Variants in DDX31 observed in about 807,000 individuals in gnomAD.
DDX31 encodes ATP-dependent DNA helicase DDX31.
A neutral mutation model predicts 91.3 loss-of-function variants in DDX31; 70 were observed. That is an observed-to-expected ratio of 0.77 (90% CI 0.63 to 0.94). The LOEUF is 0.94. Among genes scored for constraint, DDX31 ranks in the 40% least tolerant of loss-of-function variants. DDX31 has a pLI of 0.00. For synonymous variants in DDX31, 362 were observed against 350.6 expected (o/e 1.03, Z -0.36); for missense variants, 902 against 925.0 (o/e 0.98, Z 0.32).
At chr9:132,607,914 C>T (rs1477032126) in intron 19 of DDX31, among the ~76,000 whole-genome samples, 1 of 152,118 alleles carries the variant, frequency 6.6e-6, no homozygotes, top group Non-Finnish European at 1.5e-5. Flanking sequence ...GAATCGTGGC[C>T]CTATTGAGCG....
At chr9:132,648,086 C>G in intron 11 of DDX31, 103 bp downstream of exon 11, 1 of 911,190 alleles carries the variant, frequency 1.1e-6, no homozygotes, top group Non-Finnish European at 1.7e-6. Flanking sequence ...CTGCCCCCAC[C>G]TCCCTGAGGT....
intron 14 of DDX31, chr9:132,638,410 T>C: frequency 2.5e-6 from 4 of 1,613,820 alleles, no homozygotes; most frequent in Non-Finnish European, 3.4e-6. Flanking sequence ...CAGTGTCTGA[T>C]ATCTGATCCC....
At chr9:132,615,764 C>T (rs1400624293) in intron 18 of DDX31, among the ~76,000 whole-genome samples, 1 of 152,162 alleles carries the variant, frequency 6.6e-6, no homozygotes, top group Admixed American at 6.5e-5. Flanking sequence ...CAACTTGAAT[C>T]CCTAGCTAAA....
In DDX31 at chr9:132,617,303, C is replaced by G. The variant is rs1831701339; in HGVS notation, c.1825+1027G>C. 2.6e-5 allele frequency among the ~76,000 whole-genome samples: 4 copies of G among 152,054 alleles called. No homozygotes were observed. In the South Asian group the frequency reaches 8.3e-4, roughly 32 times the overall value. The stretch of plus-strand genomic sequence containing the variant: ...TTAAAAATGCACTCTGCTATGTCAC[C>G]CCTTCACCTCCCCCATCTCCTTCTA... On this transcript the variant is annotated intron_variant, in intron 18 of 19. Transcript: ENST00000372159.
rs1340637911 is a variant in DDX31 at position 132,635,494 on chromosome 9, C to A, written c.1441-3403G>T. Among the ~76,000 whole-genome samples the A allele has an allele frequency of 4.4e-4, 59 of 134,010 alleles. No homozygotes were observed. In the Admixed American group the frequency reaches 4.7e-3, roughly 11 times the overall value. The allele number at this position is 134,010 out of a possible 152,430, so 87.9% of individuals were successfully genotyped here. On this transcript the variant is annotated intron_variant, in intron 14 of 19. Transcript: ENST00000372159. ...TTTTTTTTTGAGATGGAGTCTCGCT[C>A]TGTCGCCCAGGCTGGAGTGCAGTGG...
Position 132,595,123 on chromosome 9 carries a change from G to A in DDX31, c.1995-11C>T, listed in dbSNP as rs1250693490. Reference sequence around the variant, plus strand: ...TTATGAAGGTCAGGCCTGAAGAACAGTAACAGCAGAGAGGGAAAAGAAACT... The same window carrying A: ...TTATGAAGGTCAGGCCTGAAGAACAATAACAGCAGAGAGGGAAAAGAAACT... On this transcript the variant is annotated splice_polypyrimidine_tract_variant and intron_variant, in intron 19 of 19. Transcript: ENST00000372159. The surrounding 1 kb of genome is among the most constrained non-coding windows in gnomAD (Gnocchi z 4.6). The A allele has an allele frequency of 6.2e-7, 1 of 1,606,544 alleles. No individual in the cohort carries two copies. Among genetic ancestry groups the A allele is most frequent in the East Asian group, 2.2e-5 (1 of 44,750 alleles).
intron 13 of DDX31, among the ~76,000 whole-genome samples, 166 bp downstream of exon 13, chr9:132,645,729 G>C (rs549287806): frequency 6.6e-6 from 1 of 152,264 alleles, no homozygotes; most frequent in African/African-American, 2.4e-5. Context: ...ATCCCCTCTA[G>C]TTTCAGTGGG....
chr9:132,645,921 G>A lies in DDX31; in HGVS notation c.1354C>T (p.Arg452Trp), dbSNP rs571639771. Residue 452 changes from arginine (R) to tryptophan (W), a missense_variant, in exon 13 of 20, where the codon CGG becomes TGG. Physicochemically the swap from Arg to Trp is moderately radical, Grantham distance 101. Coordinates refer to ENST00000372159, the MANE Select transcript of DDX31 (RefSeq NM_022779.9). ...PSASMRLKFL[R>W]LHGGMEQEER... Reference sequence around the variant, plus strand: ...TCCTGCTCCATGCCGCCATGCAGCCGTAGGAATTTTAATCGCATGGAGGCA... The same window carrying A: ...TCCTGCTCCATGCCGCCATGCAGCCATAGGAATTTTAATCGCATGGAGGCA... 2.5e-5 allele frequency: 41 copies of A among 1,613,472 alleles called. No individual in the cohort carries two copies. Among genetic ancestry groups the A allele is most frequent in the South Asian group, 1.1e-4 (10 of 90,948 alleles).
At chr9:132,646,222 C>T (rs1010403518) in intron 12 of DDX31, 151 bp from the exon 13 acceptor site, 2 of 778,614 alleles carry the variant, frequency 2.6e-6, no homozygotes, top group Admixed American at 2.9e-5. Flanking sequence ...AAAACAAAAA[C>T]AGTGATACTC....
intron 18 of DDX31, among the ~76,000 whole-genome samples, chr9:132,615,101 G>A (rs775481912): frequency 3.3e-5 from 5 of 152,144 alleles, no homozygotes; most frequent in Non-Finnish European, 7.4e-5. Flanking sequence ...TTGGGGTGAC[G>A]GATGAAGCTA....
chr9:132,645,396 A>G (rs985634106), intron 13 of DDX31, among the ~76,000 whole-genome samples: 6 of 152,192 alleles, frequency 3.9e-5, no homozygotes, highest in African/African-American at 1.2e-4. Flanking sequence ...CTCCCAACCG[A>G]AAGTGTTCTG....
chr9:132,618,323 G>C lies in DDX31; in HGVS notation c.1825+7C>G, dbSNP rs375065477. On this transcript the variant is annotated splice_region_variant and intron_variant, in intron 18 of 19. Coordinates refer to ENST00000372159, the MANE Select transcript of DDX31 (RefSeq NM_022779.9). ...CCACTGCGCAAGCACCTAGGAAATC[G>C]ACTGACCTTTCTTTGCCCAGGAGAC... 1.2e-6 allele frequency: 2 copies of C among 1,606,234 alleles called. No individual in the cohort carries two copies. Among genetic ancestry groups the C allele is most frequent in the African/African-American group, 1.3e-5 (1 of 74,812 alleles).
chr9:132,620,382 C>A (rs1831946445), intron 17 of DDX31, among the ~76,000 whole-genome samples: 1 of 151,448 alleles, frequency 6.6e-6, no homozygotes, highest in South Asian at 2.1e-4. Flanking sequence ...CTTATTCCCC[C>A]CTTTAGGTTT....
At chr9:132,618,239 C>T in intron 18 of DDX31, 91 bp downstream of exon 18, 1 of 1,080,124 alleles carries the variant, frequency 9.3e-7, no homozygotes, top group Admixed American at 2.6e-5. Flanking sequence ...CCATGTTGGC[C>T]TCTCAACCGG....
chr9:132,634,512 C>A (rs1832977980), intron 14 of DDX31, among the ~76,000 whole-genome samples: 2 of 151,746 alleles, frequency 1.3e-5, no homozygotes, highest in Admixed American at 1.3e-4. Flanking sequence ...ATTATCACAC[C>A]TCAGAAATTT....
At chr9:132,646,164 C>T (rs933751322) in intron 12 of DDX31, 93 bp from the exon 13 acceptor site, 6 of 1,304,406 alleles carry the variant, frequency 4.6e-6, no homozygotes, top group Non-Finnish European at 5.2e-6. Flanking sequence ...TCATGCTGAC[C>T]CCCATTTGGA....
intron 14 of DDX31, among the ~76,000 whole-genome samples, chr9:132,635,443 A>G (rs1336775200): frequency 7.0e-6 from 1 of 143,788 alleles, no homozygotes; most frequent in Non-Finnish European, 1.5e-5. Flanking sequence ...CAAAGGATTC[A>G]TATGTACATA....
rs1020763754 is a variant in DDX31, at chr9:132,658,397, G to A, written c.588+274C>T. Reference sequence around the variant, plus strand: ...GGGGAGAGAGCAGTTAAAGATTCAAGAAGGGAACACATGCAAAGTATCATG... The same window carrying A: ...GGGGAGAGAGCAGTTAAAGATTCAAAAAGGGAACACATGCAAAGTATCATG... On this transcript the variant is annotated intron_variant, in intron 6 of 19. Coordinates refer to ENST00000372159, the MANE Select transcript of DDX31 (RefSeq NM_022779.9). 1.8e-5 allele frequency: 13 copies of A among 702,732 alleles called. No homozygotes were observed. The Admixed American group carries it at 2.6e-4, about 14-fold the overall frequency. The allele number at this position is 702,732 out of a possible 1,614,324, so 43.5% of individuals were successfully genotyped here.
At position 132,625,501 on chromosome 9, in the gene DDX31, GA is replaced by G. The variant is rs56990165; in HGVS notation, c.1713+162del. ...AAACGCATCCAGAAGCAAAGACGAG[GA>G]AAAAAAAAAAACAATCAAGATTTGG... On this transcript the variant is annotated intron_variant, in intron 17 of 19. Coordinates refer to ENST00000372159, the MANE Select transcript of DDX31 (RefSeq NM_022779.9). Among the ~76,000 whole-genome samples, 208 of 140,296 alleles carry G rather than the reference GA, an allele frequency of 1.5e-3. 2 individuals are homozygous for G. Among genetic ancestry groups the G allele is most frequent in the East Asian group, 8.4e-3 (41 of 4,868 alleles). The allele number at this position is 140,296 out of a possible 152,430, so 92.0% of individuals were successfully genotyped here. A position where few individuals can be genotyped will look rare whatever the true frequency, so the allele number is the denominator to read the frequency against.
Sources: gnomAD v4.1 joint callset for allele counts (sites outside exome capture counted in the v4.1 genomes callset) on GRCh38, gnomAD v4.1.1 for gene constraint, Gnocchi (gnomAD v3.1) non-coding constraint, MANE v1.5 for transcripts, NCBI Gene and HGNC (gene_info 2026-07-23, HGNC 2026-07-21) for gene names.